Variants in VAT1L observed in about 807,000 individuals in gnomAD.
VAT1L encodes putative NADPH-dependent quinone oxidoreductase VAT1L.
A neutral mutation model predicts 44.1 loss-of-function variants in VAT1L; 34 were observed. That is an observed-to-expected ratio of 0.77 (90% CI 0.59 to 1.03). The LOEUF (loss-of-function observed/expected upper bound fraction) is 1.03, where lower values mean the gene tolerates loss of function less well. VAT1L is among the 50% of genes least tolerant of loss of function. VAT1L has a pLI of 0.00. For synonymous variants in VAT1L, 253 were observed against 202.2 expected (o/e 1.25, Z -2.13); for missense variants, 615 against 538.8 (o/e 1.14, Z -1.40).
At chr16:77,870,127 G>T (rs2017015533) in intron 4 of VAT1L, among the ~76,000 whole-genome samples, 2 of 152,196 alleles carry the variant, frequency 1.3e-5, no homozygotes, top group East Asian at 3.9e-4. Flanking sequence ...TCAGCACTGG[G>T]CTTGGCCCCC....
intron 3 of VAT1L, among the ~76,000 whole-genome samples, chr16:77,851,914 T>G (rs2016812346): frequency 6.6e-6 from 1 of 152,112 alleles, no homozygotes; most frequent in African/African-American, 2.4e-5. Context: ...GAGATTCTGC[T>G]CCTGTCCTTC....
chr16:77,820,944 C>G (rs755095908), intron 2 of VAT1L, among the ~76,000 whole-genome samples: 54 of 152,324 alleles, frequency 3.5e-4, no homozygotes, highest in Admixed American at 7.8e-4. Flanking sequence ...GCAGTGCATT[C>G]TAGTCAATTG....
At chr16:77,927,583 A>T (rs914890160) in intron 7 of VAT1L, among the ~76,000 whole-genome samples, 16 of 151,936 alleles carry the variant, frequency 1.1e-4, no homozygotes, top group Admixed American at 6.6e-4. Flanking sequence ...CCTCAAAAAA[A>T]TTGAAAAACT....
In VAT1L at chr16:77,930,934, T is replaced by C. The variant is rs151012853; in HGVS notation, c.1078-40916T>C. The stretch of plus-strand genomic sequence containing the variant: ...CATAATTCATTGAGTAGCTAGGATC[T>C]TCCAGGCGCTGTACTAAGAATCTTA... On this transcript the variant is annotated intron_variant, in intron 7 of 8. Coordinates refer to ENST00000302536, the MANE Select transcript of VAT1L (RefSeq NM_020927.3). Among the ~76,000 whole-genome samples the C allele has an allele frequency of 2.4e-3, 373 of 152,316 alleles. 2 individuals carry two copies. The highest frequency in any genetic ancestry group is 8.4e-3 in the African/African-American group (349 of 41,572).
intron 7 of VAT1L, among the ~76,000 whole-genome samples, chr16:77,903,681 G>A (rs17775020): frequency 2.0e-5 from 3 of 150,360 alleles, no homozygotes; most frequent in Admixed American, 6.6e-5. Flanking sequence ...TCAATGCCAC[G>A]TGATTTTAAA....
intron 7 of VAT1L, among the ~76,000 whole-genome samples, chr16:77,957,965 T>C (rs971526376): frequency 6.6e-6 from 1 of 152,082 alleles, no homozygotes; most frequent in East Asian, 1.9e-4. Flanking sequence ...TGGAGTACAA[T>C]GGTGTGCTCT....
intron 7 of VAT1L, among the ~76,000 whole-genome samples, chr16:77,939,907 A>G (rs1227208180): frequency 6.6e-6 from 1 of 152,196 alleles, no homozygotes; most frequent in Non-Finnish European, 1.5e-5. Flanking sequence ...AGTCTGCTTT[A>G]TATACAATGA....
intron 8 of VAT1L, among the ~76,000 whole-genome samples, chr16:77,977,376 G>A (rs1473511003): frequency 6.6e-6 from 1 of 152,224 alleles, no homozygotes; most frequent in African/African-American, 2.4e-5. Context: ...TGCTTCCTGG[G>A]ATCATCTCCT....
chr16:77,894,100 G>A (rs377600340), intron 7 of VAT1L, among the ~76,000 whole-genome samples: 10 of 152,258 alleles, frequency 6.6e-5, no homozygotes, highest in African/African-American at 2.4e-4. Flanking sequence ...TTTGGCTCTC[G>A]AGTCCATGCT....
At position 77,854,778 on chromosome 16, in the gene VAT1L, T is replaced by A. The variant is rs533679206; in HGVS notation, c.580-7970T>A. Among the ~76,000 whole-genome samples the A allele has an allele frequency of 3.3e-5, 5 of 152,338 alleles. No individual in the cohort carries two copies. The South Asian group carries it at 1.0e-3, about 32-fold the overall frequency. On this transcript the variant is annotated intron_variant, in intron 3 of 8. Transcript: ENST00000302536. The stretch of plus-strand genomic sequence containing the variant: ...TTCCATTCTTTGACTACATTAATGA[T>A]CTGTGGTTTTCATGAGCTGTTTAAC...
chr16:77,857,283 G>T (rs2016868658), intron 3 of VAT1L, among the ~76,000 whole-genome samples: 1 of 152,168 alleles, frequency 6.6e-6, no homozygotes, highest in Non-Finnish European at 1.5e-5. Context: ...TTCCACAAAT[G>T]TTATTGAGTC....
At chr16:77,957,428 T>A (rs990605472) in intron 7 of VAT1L, among the ~76,000 whole-genome samples, 1 of 152,118 alleles carries the variant, frequency 6.6e-6, no homozygotes, top group African/African-American at 2.4e-5. Flanking sequence ...CAAAAAAAAG[T>A]TTAAAATCTA....
At chr16:77,812,966 A>G (rs1013306265) in intron 1 of VAT1L, among the ~76,000 whole-genome samples, 13 of 152,142 alleles carry the variant, frequency 8.5e-5, no homozygotes, top group Non-Finnish European at 1.8e-4. Flanking sequence ...GCACTTTCCA[A>G]CACTATTTCT....
chr16:77,860,164 C>A (rs1005490370), intron 3 of VAT1L, among the ~76,000 whole-genome samples: 2 of 152,188 alleles, frequency 1.3e-5, no homozygotes, highest in African/African-American at 4.8e-5. Context: ...CCTGCCAACA[C>A]CTTGATTTTA....
intron 1 of VAT1L, 151 bp downstream of exon 1, chr16:77,789,066 C>T (rs2145198639): frequency 2.0e-6 from 2 of 991,888 alleles, no homozygotes; most frequent in East Asian, 2.9e-5. Context: ...CCTCCCCGGG[C>T]CAAAGCTGGG....
chr16:77,949,241 G>A (rs1182199007), intron 7 of VAT1L, among the ~76,000 whole-genome samples: 2 of 152,166 alleles, frequency 1.3e-5, no homozygotes, highest in East Asian at 3.9e-4. Context: ...TCGACTGCCT[G>A]CAGCAGGGAG....
At chr16:77,897,722 G>C (rs2017338912) in intron 7 of VAT1L, among the ~76,000 whole-genome samples, 1 of 152,146 alleles carries the variant, frequency 6.6e-6, no homozygotes, top group African/African-American at 2.4e-5. Context: ...TGATCCACCG[G>C]CCTCGGCCTC....
chr16:77,922,188 G>T (rs1285064668), intron 7 of VAT1L, among the ~76,000 whole-genome samples: 2 of 152,036 alleles, frequency 1.3e-5, no homozygotes, highest in African/African-American at 4.8e-5. Context: ...GCGGGCGGGG[G>T]TGGAGGGGCA....
chr16:77,851,106 G>C (rs1339036155), intron 3 of VAT1L, among the ~76,000 whole-genome samples: 1 of 152,234 alleles, frequency 6.6e-6, no homozygotes, highest in Non-Finnish European at 1.5e-5. Flanking sequence ...TGTGGGGCAA[G>C]CAAGAGATGG....
Sources: gnomAD v4.1 joint callset for allele counts (sites outside exome capture counted in the v4.1 genomes callset) on GRCh38, gnomAD v4.1.1 for gene constraint, MANE v1.5 for transcripts, NCBI Gene and HGNC (gene_info 2026-07-23, HGNC 2026-07-21) for gene names.